The following WDFY3 variants were observed in gnomAD, a reference collection of about 807,000 sequenced individuals.
The protein encoded by WDFY3 is WD repeat and FYVE domain containing 3.
WDFY3 carries 66 observed loss-of-function variants against 409.6 expected under a neutral mutation model. The ratio of observed to expected loss-of-function variants is 0.16; its 90% CI spans 0.13 to 0.20. The LOEUF (loss-of-function observed/expected upper bound fraction) is 0.20, where lower values mean the gene tolerates loss of function less well. Among genes scored for constraint, WDFY3 ranks in the 10% least tolerant of loss-of-function variants. The pLI is 1.00. For synonymous variants in WDFY3, 1,521 were observed against 1,537.1 expected (o/e 0.99, Z 0.25); for missense variants, 3,031 against 4,298.1 (o/e 0.71, Z 8.24).
At chr4:84,690,883 A>C (rs191677190) in intron 60 of WDFY3, among the ~76,000 whole-genome samples, 76 of 152,278 alleles carry the variant, frequency 5.0e-4, no homozygotes, top group African/African-American at 1.7e-3. Flanking sequence ...CCATAACCAA[A>C]AAGGACTTTG....
At chr4:84,708,824 A>T in intron 53 of WDFY3, 85 bp downstream of exon 53, 1 of 1,452,302 alleles carries the variant, frequency 6.9e-7, no homozygotes, top group Non-Finnish European at 9.4e-7. Context: ...TTTAGGGATG[A>T]GCCACTGCAC....
At chr4:84,696,885 T>C (rs1232998790) in intron 56 of WDFY3, 62 bp from the exon 57 acceptor site, 2 of 1,436,226 alleles carry the variant, frequency 1.4e-6, no homozygotes, top group Admixed American at 3.6e-5. Context: ...GGTAACTTTA[T>C]ATTAATCTGA....
chr4:84,716,723 C>T (rs1027108791), intron 49 of WDFY3, among the ~76,000 whole-genome samples, 173 bp downstream of exon 49: 1 of 147,408 alleles, frequency 6.8e-6, no homozygotes, highest in East Asian at 2.1e-4. Flanking sequence ...GGTGTGAACC[C>T]GGGAGGCGGA....
At chr4:84,837,585 T>C (rs1314752341) in intron 6 of WDFY3, among the ~76,000 whole-genome samples, 1 of 152,178 alleles carries the variant, frequency 6.6e-6, no homozygotes, top group African/African-American at 2.4e-5. Flanking sequence ...TTATTGTAGA[T>C]TTTTGAGGCT....
At chr4:84,723,684 G>GA (rs1001146643) in intron 46 of WDFY3, among the ~76,000 whole-genome samples, 6 of 152,166 alleles carry the variant, frequency 3.9e-5, no homozygotes, top group African/African-American at 1.2e-4. Context: ...ATACAGCAGT[G>GA]AAAAAATCAC....
intron 13 of WDFY3, among the ~76,000 whole-genome samples, chr4:84,811,661 T>C (rs960487381): frequency 6.6e-6 from 1 of 152,190 alleles, no homozygotes; most frequent in Admixed American, 6.5e-5. Context: ...GCACAATGGG[T>C]ATCTACTATT....
intron 2 of WDFY3, among the ~76,000 whole-genome samples, chr4:84,912,782 T>C (rs544656303): frequency 6.6e-6 from 1 of 152,260 alleles, no homozygotes; most frequent in East Asian, 1.9e-4. Context: ...AGGACATTTA[T>C]TACTATAGAA....
intron 5 of WDFY3, among the ~76,000 whole-genome samples, chr4:84,849,418 T>G (rs535955369): frequency 4.6e-5 from 7 of 152,228 alleles, no homozygotes; most frequent in African/African-American, 1.7e-4. Flanking sequence ...TGCTGACATT[T>G]AGACATATTG....
chr4:84,839,862 C>CA (rs1757093232), intron 6 of WDFY3, among the ~76,000 whole-genome samples: 1 of 143,522 alleles, frequency 7.0e-6, no homozygotes, highest in African/African-American at 2.6e-5. Flanking sequence ...GAGTCCACCT[C>CA]AAAAAAAGAA....
chr4:84,769,446 ACT>A (rs1744245879), intron 30 of WDFY3, among the ~76,000 whole-genome samples: 2 of 151,950 alleles, frequency 1.3e-5, no homozygotes, highest in South Asian at 2.1e-4. Flanking sequence ...ACGAAGTCTC[ACT>A]CTGTCGCCCA....
At chr4:84,701,339 C>T (rs1178278447) in intron 56 of WDFY3, among the ~76,000 whole-genome samples, 8 of 152,028 alleles carry the variant, frequency 5.3e-5, no homozygotes, top group African/African-American at 1.9e-4. Context: ...GTTATCTTTC[C>T]CATTTCACAA....
chr4:84,836,917 C>T lies in WDFY3; in HGVS notation c.576+12G>A. The T allele has an allele frequency of 6.7e-7, 1 of 1,501,108 alleles. No individual in the cohort carries two copies. Among genetic ancestry groups the T allele is most frequent in the South Asian group, 1.4e-5 (1 of 70,424 alleles). 93.0% of individuals were successfully genotyped at this position (1,501,108 alleles called of 1,614,324 possible). On this transcript the variant is annotated intron_variant, in intron 7 of 67. Coordinates refer to ENST00000295888, the MANE Select transcript of WDFY3 (RefSeq NM_014991.6). ...AAATAGGGTGGAGGTAGGCAAATAG[C>T]ACCTTTCATACCTGTACAAAAACTT...
chr4:84,768,321 C>T (rs1744046424), intron 30 of WDFY3, among the ~76,000 whole-genome samples: 2 of 152,122 alleles, frequency 1.3e-5, no homozygotes, highest in South Asian at 4.1e-4. Flanking sequence ...CAACAACTTC[C>T]TATTGGAAGA....
intron 3 of WDFY3, among the ~76,000 whole-genome samples, chr4:84,878,079 G>A (rs746928403): frequency 1.3e-5 from 2 of 152,110 alleles, no homozygotes; most frequent in Non-Finnish European, 2.9e-5. Context: ...ACCCCATAAT[G>A]TACTTTTTAA....
At chr4:84,840,934 T>C (rs1218602935) in intron 6 of WDFY3, among the ~76,000 whole-genome samples, 4 of 152,098 alleles carry the variant, frequency 2.6e-5, no homozygotes, top group Admixed American at 1.3e-4. Context: ...AAAACACTGC[T>C]CTAAGCCATG....
At chr4:84,751,926 T>C (rs1023880000) in intron 35 of WDFY3, among the ~76,000 whole-genome samples, 5 of 152,156 alleles carry the variant, frequency 3.3e-5, no homozygotes, top group East Asian at 3.9e-4. Flanking sequence ...TGTTTCTGAC[T>C]GACCACTAAC....
At chr4:84,803,571 A>AC in intron 15 of WDFY3, 104 bp from the exon 16 acceptor site, 1 of 1,266,042 alleles carries the variant, frequency 7.9e-7, no homozygotes. Context: ...GTTAGAAAAC[A>AC]CCTTAAGGTT....
intron 17 of WDFY3, among the ~76,000 whole-genome samples, chr4:84,801,300 G>T (rs1461477454): frequency 6.6e-6 from 1 of 152,120 alleles, no homozygotes; most frequent in Non-Finnish European, 1.5e-5. Context: ...AACTTATGGT[G>T]AATCTATTAT....
intron 1 of WDFY3, among the ~76,000 whole-genome samples, chr4:84,961,137 C>T (rs977665499): frequency 6.6e-6 from 1 of 151,694 alleles, no homozygotes; most frequent in Non-Finnish European, 1.5e-5. Context: ...ATCGCTTGAA[C>T]CCGAGAGGTG....
Sources: gnomAD v4.1 joint callset for allele counts (sites outside exome capture counted in the v4.1 genomes callset) on GRCh38, gnomAD v4.1.1 for gene constraint, MANE v1.5 for transcripts, NCBI Gene and HGNC (gene_info 2026-07-23, HGNC 2026-07-21) for gene names.